SCN8A: variants seen among roughly 807,000 people sequenced by gnomAD.
SCN8A encodes sodium channel protein type 8 subunit alpha.
Under a neutral mutation model 184.1 loss-of-function variants are expected in SCN8A, and 30 were observed. The observed-to-expected ratio is 0.16, with a 90% CI of 0.12 to 0.22. SCN8A has a LOEUF of 0.22. SCN8A is among the 10% of genes least tolerant of loss of function. The probability of loss-of-function intolerance (pLI) is 1.00; values close to 1 mark genes in which losing one functional copy is unlikely to be tolerated. For synonymous variants in SCN8A, 852 were observed against 907.0 expected, an observed-to-expected ratio of 0.94 and a Z score of 1.09; for missense variants, 1,057 against 2,498.9, an observed-to-expected ratio of 0.42 and a Z score of 12.30.
intron 11 of SCN8A, among the ~76,000 whole-genome samples, chr12:51,707,994 C>A (rs1411937548): frequency 1.3e-5 from 2 of 152,160 alleles, no homozygotes; most frequent in Non-Finnish European, 2.9e-5. Context: ...CATTCTAATC[C>A]TGCCCTCCCT....
chr12:51,691,556 A>G (rs887299119), intron 6 of SCN8A, among the ~76,000 whole-genome samples: 2 of 152,144 alleles, frequency 1.3e-5, no homozygotes, highest in African/African-American at 2.4e-5. Context: ...ACCTAAGCCA[A>G]TAGAAAGGGT....
chr12:51,597,921 C>T (rs529101280), intron 1 of SCN8A, among the ~76,000 whole-genome samples: 2 of 152,120 alleles, frequency 1.3e-5, no homozygotes, highest in East Asian at 3.9e-4. Flanking sequence ...AAGCTGAATG[C>T]TTTTAAGTGA....
chr12:51,807,234 C>G lies in SCN8A; in HGVS notation c.5748C>G (p.Ile1916Met), dbSNP rs1390613897. ...GACATTTGGCAAGGCGGGGCTTCAT[C>G]TGCAAAAAGACAACTTCTAATAAGC... Reference protein sequence around the residue: ...YRGHLARRGFICKKTTSNKLE... With the variant: ...YRGHLARRGFMCKKTTSNKLE... The change falls in exon 27 of 27, where the codon ATC (isoleucine) becomes ATG (methionine). Residue 1916 changes from isoleucine (I) to methionine (M), a missense_variant. By Grantham distance (10) the Ile-to-Met change is conservative (BLOSUM62 1). This residue lies in a region of SCN8A where 95 missense variants were observed against 140.2 expected (regional missense o/e 0.68). Transcript: ENST00000627620. The surrounding 1 kb of genome is among the most constrained non-coding windows in gnomAD (Gnocchi z 4.5). 1 of 1,613,842 alleles carries G rather than the reference C, an allele frequency of 6.2e-7. No homozygotes were observed.
At chr12:51,613,163 A>G (rs1009700058) in intron 1 of SCN8A, among the ~76,000 whole-genome samples, 1 of 152,200 alleles carries the variant, frequency 6.6e-6, no homozygotes, top group African/African-American at 2.4e-5. Flanking sequence ...AAGTTGGGAT[A>G]TGTTCCCTTT....
intron 9 of SCN8A, among the ~76,000 whole-genome samples, chr12:51,704,515 C>CAA (rs1192092495): frequency 1.3e-5 from 2 of 150,528 alleles, no homozygotes; most frequent in East Asian, 2.0e-4. Context: ...ACTAAAAATA[C>CAA]AAAAATTAGC....
chr12:51,605,952 T>C lies in SCN8A; in HGVS notation c.-55+14593T>C, dbSNP rs113939603. Among the ~76,000 whole-genome samples the C allele has an allele frequency of 7.9e-3, 1,206 of 152,318 alleles. 11 individuals carry two copies. Among genetic ancestry groups the C allele is most frequent in the African/African-American group, 0.027 (1,118 of 41,568 alleles). On this transcript the variant is annotated intron_variant, in intron 1 of 26. Coordinates refer to ENST00000627620, the MANE Select transcript of SCN8A (RefSeq NM_001330260.2). ...CTTTTTGATGGGATTGTTTGTTTTT[T>C]TTCTTACTGATTTGTTTGAGTTCAT... is the stretch of plus-strand genomic sequence containing the variant.
chr12:51,754,260 T>A (rs1488880080), intron 14 of SCN8A, among the ~76,000 whole-genome samples: 1 of 152,118 alleles, frequency 6.6e-6, no homozygotes, highest in Non-Finnish European at 1.5e-5. Flanking sequence ...AGTAAGTTTA[T>A]GAGGTGACTT....
intron 1 of SCN8A, among the ~76,000 whole-genome samples, chr12:51,645,241 C>T (rs1340021047): frequency 2.0e-4 from 28 of 139,458 alleles, no homozygotes; most frequent in African/African-American, 2.4e-4. Context: ...CCGCCCCATC[C>T]GGGAAGTGAG....
chr12:51,655,056 G>A (rs996868552), intron 1 of SCN8A, among the ~76,000 whole-genome samples: 6 of 152,052 alleles, frequency 3.9e-5, no homozygotes, highest in East Asian at 1.9e-4. Flanking sequence ...TGTACACCAC[G>A]CCCAGCTAAT....
chr12:51,737,022 C>G (rs1340478192), intron 12 of SCN8A, among the ~76,000 whole-genome samples: 2 of 152,164 alleles, frequency 1.3e-5, no homozygotes, highest in Non-Finnish European at 2.9e-5. Context: ...TAGTTAATTT[C>G]AAAAAACTGA....
chr12:51,739,429 TAAG>T (rs576791531), intron 12 of SCN8A, among the ~76,000 whole-genome samples: 9 of 152,128 alleles, frequency 5.9e-5, no homozygotes, highest in Non-Finnish European at 8.8e-5. Flanking sequence ...TTCAAAATAA[TAAG>T]GAGGGGGTGC....
chr12:51,721,093 ATATATATATATATAATATTTATTTATTGT>A (rs1250797242), intron 11 of SCN8A, among the ~76,000 whole-genome samples: 1,188 of 72,096 alleles, frequency 0.016, 21 homozygotes, highest in African/African-American at 0.048. Flanking sequence ...ATATATATAT[ATATATATATATATAATATTTATTTATTGT>A]TATATATATA....
chr12:51,613,432 A>T (rs1001521509), intron 1 of SCN8A, among the ~76,000 whole-genome samples: 6 of 152,068 alleles, frequency 3.9e-5, no homozygotes, highest in Non-Finnish European at 5.9e-5. Context: ...TTTAACATCT[A>T]TGGAGGTCTA....
intron 22 of SCN8A, among the ~76,000 whole-genome samples, chr12:51,787,952 A>G (rs2138906528): frequency 6.6e-6 from 1 of 152,372 alleles, no homozygotes; most frequent in South Asian, 2.1e-4. Context: ...CAAACATGGT[A>G]GTCACAGAGT....
chr12:51,807,135 C>T lies in SCN8A; in HGVS notation c.5649C>T (p.Tyr1883=), dbSNP rs769484993. ...CATCCAATCCTTCCAAAGTGTCTTA[C>T]GAGCCAATCACAACCACACTGCGTC... ...FVASNPSKVS[Y]EPITTTLRRK... is the part of the protein sequence containing the mutation. Residue 1883 remains tyrosine (Y), a synonymous_variant, in exon 27 of 27, where the codon TAC becomes TAT. Coordinates refer to ENST00000627620, the MANE Select transcript of SCN8A (RefSeq NM_001330260.2). The surrounding 1 kb of genome is among the most constrained non-coding windows in gnomAD (Gnocchi z 4.5). The T allele has an allele frequency of 9.3e-6, 15 of 1,613,712 alleles. No individual in the cohort carries two copies. The highest frequency in any genetic ancestry group is 5.0e-5 in the Admixed American group (3 of 59,978).
chr12:51,614,604 G>C (rs1197541953), intron 1 of SCN8A, among the ~76,000 whole-genome samples: 1 of 152,012 alleles, frequency 6.6e-6, no homozygotes, highest in African/African-American at 2.4e-5. Context: ...CATTTACATT[G>C]GTATAATACT....
chr12:51,645,157 G>T (rs1317219805), intron 1 of SCN8A, among the ~76,000 whole-genome samples: 1 of 148,998 alleles, frequency 6.7e-6, no homozygotes, highest in Non-Finnish European at 1.5e-5. Flanking sequence ...CTACTGGGAA[G>T]TGAGGAGCCC....
At chr12:51,746,945 G>A (rs1413830819) in intron 13 of SCN8A, among the ~76,000 whole-genome samples, 1 of 152,008 alleles carries the variant, frequency 6.6e-6, no homozygotes. Flanking sequence ...CTATTCTTGA[G>A]GCCTCAAATT....
chr12:51,627,709 C>T (rs959051738), intron 1 of SCN8A, among the ~76,000 whole-genome samples: 1 of 152,142 alleles, frequency 6.6e-6, no homozygotes, highest in Admixed American at 6.6e-5. Flanking sequence ...CTGACATTTA[C>T]TACAAGAAAT....
Sources: allele counts gnomAD v4.1 joint callset (sites outside exome capture counted in the v4.1 genomes callset), GRCh38; gene constraint gnomAD v4.1.1; regional missense constraint gnomAD v4.1.1; non-coding constraint Gnocchi (gnomAD v3.1); transcripts MANE v1.5; gene names NCBI Gene and HGNC (gene_info 2026-07-23, HGNC 2026-07-21).